Variants in CUL2 observed in about 807,000 individuals in gnomAD.
CUL2 encodes cullin-2.
A neutral mutation model predicts 110.2 loss-of-function variants in CUL2; 22 were observed. The ratio of observed to expected loss-of-function variants is 0.20; its 90% CI spans 0.14 to 0.28. CUL2 has a LOEUF of 0.28. Among genes scored for constraint, CUL2 ranks in the 10% least tolerant of loss-of-function variants. The probability of loss-of-function intolerance (pLI) is 1.00; values close to 1 mark genes in which losing one functional copy is unlikely to be tolerated. For missense variants in CUL2, 631 were observed against 905.5 expected (o/e 0.70, Z 3.89); for synonymous variants, 279 against 293.2 (o/e 0.95, Z 0.49).
At chr10:35,082,670 A>T (rs971788140) in intron 1 of CUL2, among the ~76,000 whole-genome samples, 6 of 152,200 alleles carry the variant, frequency 3.9e-5, no homozygotes, top group Admixed American at 2.0e-4. Context: ...AAATTTTTAA[A>T]TGGATGCATT....
chr10:35,047,229 C>A (rs2099722436), intron 6 of CUL2, among the ~76,000 whole-genome samples: 1 of 152,118 alleles, frequency 6.6e-6, no homozygotes, highest in African/African-American at 2.4e-5. Context: ...AGAAACCCTA[C>A]CTCAACCTCC....
At chr10:35,119,766 C>T (rs1197769616) in intron 1 of CUL2, among the ~76,000 whole-genome samples, 1 of 151,876 alleles carries the variant, frequency 6.6e-6, no homozygotes, top group Non-Finnish European at 1.5e-5. Context: ...GATGGGATTT[C>T]ACTATGTTGC....
At chr10:35,044,112 C>T (rs1049462060) in intron 8 of CUL2, among the ~76,000 whole-genome samples, 3 of 144,832 alleles carry the variant, frequency 2.1e-5, no homozygotes, top group Admixed American at 6.9e-5. Context: ...CTTTCAAGAA[C>T]TTAACAGACC....
Position 35,071,274 on chromosome 10 carries a change from T to C in CUL2, c.44A>G (p.Asn15Ser), listed in dbSNP as rs1241426099. 1.9e-6 allele frequency: 3 copies of C among 1,613,844 alleles called. No individual in the cohort carries two copies. The highest frequency in any genetic ancestry group is 2.5e-6 in the Non-Finnish European group (3 of 1,179,812). Residue 15 changes from asparagine (N) to serine (S), a missense_variant, in exon 2 of 21, where the codon AAC becomes AGC. By Grantham distance (46) the Asn-to-Ser change is conservative (BLOSUM62 1). Transcript: ENST00000374749. ...PRVVDFDETW[N>S]KLLTTIKAVV... is the part of the protein sequence containing the mutation. ...GGCTTTTATTGTCGTCAAAAGTTTG[T>C]TCCATGTTTCATCAAAATCTACTAC...
intron 16 of CUL2, 21 bp from the exon 17 acceptor site, chr10:35,025,219 CA>C (rs1564702090): frequency 4.6e-6 from 5 of 1,087,220 alleles, no homozygotes; most frequent in Admixed American, 5.9e-5. Flanking sequence ...AAAAAAAAAA[CA>C]CACATTATTT....
chr10:35,047,437 C>G (rs1158322388), intron 6 of CUL2, among the ~76,000 whole-genome samples: 1 of 150,824 alleles, frequency 6.6e-6, no homozygotes, highest in African/African-American at 2.4e-5. Context: ...GGTGAAACCC[C>G]GTCTCCACTA....
At chr10:35,067,456 G>A (rs995558804) in intron 2 of CUL2, among the ~76,000 whole-genome samples, 2 of 151,970 alleles carry the variant, frequency 1.3e-5, no homozygotes, top group African/African-American at 4.8e-5. Flanking sequence ...AAAAATCAAA[G>A]AATTCACCAT....
chr10:35,021,296 G>A (rs1345696155), intron 17 of CUL2, among the ~76,000 whole-genome samples: 2 of 148,416 alleles, frequency 1.3e-5, no homozygotes, highest in African/African-American at 5.0e-5. Context: ...TTGCTCTGTC[G>A]CCCAGGCTGG....
Position 35,060,856 on chromosome 10 carries a change from T to C in CUL2, c.317+18A>G, listed in dbSNP as rs2086363860. ...GGCAACGCTGCTTAGCTTGTCTAGA[T>C]TTTAAAGGCACACTCACCTATATAA... On this transcript the variant is annotated intron_variant, in intron 4 of 20. Transcript: ENST00000374749. 1 of 1,595,426 alleles carries C rather than the reference T, an allele frequency of 6.3e-7. No individual in the cohort carries two copies. The highest frequency in any genetic ancestry group is 1.3e-5 in the African/African-American group (1 of 74,100).
rs2085588324 is a variant in CUL2, at chr10:35,035,174, T to A, written c.1000A>T (p.Asn334Tyr). ...TTGCAGTTTCCCACACAACTCACGT[T>A]TTCCTGAGTAAGGTTGCTGGTTGCT... ...LRATSNLTQE[N>Y]MPTLFVESVL... Residue 334 changes from asparagine to tyrosine, a missense_variant and splice_region_variant, in exon 10 of 21, where the codon AAC becomes TAC. This residue lies in a region of CUL2 where 338 missense variants were observed against 442.5 expected (regional missense o/e 0.76). Transcript: ENST00000374749. 6.2e-7 allele frequency: 1 copy of A among 1,614,172 alleles called. No individual in the cohort carries two copies. Among genetic ancestry groups the A allele is most frequent in the Non-Finnish European group, 8.5e-7 (1 of 1,180,010 alleles).
chr10:35,033,329 ACT>A (rs745453112), intron 10 of CUL2, 56 bp from the exon 11 acceptor site: 62 of 1,191,294 alleles, frequency 5.2e-5, no homozygotes, highest in Non-Finnish European at 7.2e-5. Flanking sequence ...GGATATCCAA[ACT>A]ATGAGGTTTA....
chr10:35,107,164 C>A (rs761040013), intron 1 of CUL2, among the ~76,000 whole-genome samples: 4 of 150,772 alleles, frequency 2.7e-5, no homozygotes, highest in Non-Finnish European at 5.9e-5. Flanking sequence ...TCAGTAGAGA[C>A]GGGGTTTCAC....
At chr10:35,113,118 G>C (rs1450315192) in intron 1 of CUL2, among the ~76,000 whole-genome samples, 2 of 134,004 alleles carry the variant, frequency 1.5e-5, no homozygotes, top group African/African-American at 2.8e-5. Context: ...GGGAGGTGGA[G>C]ATAGCAGTGA....
At chr10:35,106,732 A>G (rs2087462174) in intron 1 of CUL2, among the ~76,000 whole-genome samples, 2 of 152,158 alleles carry the variant, frequency 1.3e-5, no homozygotes, top group African/African-American at 4.8e-5. Context: ...CCTGTTAGAA[A>G]AAGGATAAAT....
At chr10:35,024,107 T>TTG (rs1426887147) in intron 17 of CUL2, among the ~76,000 whole-genome samples, 1 of 152,122 alleles carries the variant, frequency 6.6e-6, no homozygotes, top group Non-Finnish European at 1.5e-5. Context: ...AGTGCTGGGG[T>TTG]TACAGGTGTG....
intron 17 of CUL2, among the ~76,000 whole-genome samples, chr10:35,018,265 C>G (rs1464000989): frequency 1.0e-5 from 1 of 100,210 alleles, no homozygotes; most frequent in Non-Finnish European, 1.8e-5. Context: ...CCAGCCTGGG[C>G]AACAGAGCAA....
intron 1 of CUL2, among the ~76,000 whole-genome samples, chr10:35,123,717 T>C (rs1026386295): frequency 6.6e-6 from 1 of 152,054 alleles, no homozygotes; most frequent in African/African-American, 2.4e-5. Context: ...GATTCAGGTA[T>C]GAAAGGGGAA....
intron 4 of CUL2, among the ~76,000 whole-genome samples, chr10:35,059,278 C>A (rs1223160572): frequency 1.3e-5 from 2 of 152,100 alleles, no homozygotes; most frequent in East Asian, 3.9e-4. Flanking sequence ...AGAGAGAAAT[C>A]TTTTGTGAAG....
At chr10:35,049,970 TATC>T (rs1211990854) in intron 5 of CUL2, among the ~76,000 whole-genome samples, 2 of 152,160 alleles carry the variant, frequency 1.3e-5, no homozygotes, top group African/African-American at 2.4e-5. Flanking sequence ...CTACTAGCCT[TATC>T]AACATTAAGG....
Sources: allele counts gnomAD v4.1 joint callset (sites outside exome capture counted in the v4.1 genomes callset), GRCh38; gene constraint gnomAD v4.1.1; regional missense constraint gnomAD v4.1.1; transcripts MANE v1.5; gene names NCBI Gene and HGNC (gene_info 2026-07-23, HGNC 2026-07-21).